The following LYSMD2 variants were observed in gnomAD, a reference collection of about 807,000 sequenced individuals.
LYSMD2 encodes LysM domain containing 2.
Under a neutral mutation model 17.7 loss-of-function variants are expected in LYSMD2, and 6 were observed. The observed-to-expected ratio is 0.34, with a 90% CI of 0.19 to 0.67. LYSMD2 has a LOEUF of 0.67. Ranked by LOEUF, LYSMD2 falls within the 30% of genes least tolerant of loss-of-function variation. The pLI is 0.69. For missense variants in LYSMD2, 237 were observed against 286.7 expected (o/e 0.83, Z 1.25); for synonymous variants, 102 against 129.8 (o/e 0.79, Z 1.45).
At chr15:51,739,785 G>A (rs184558091), upstream of LYSMD2, among the ~76,000 whole-genome samples, 35 of 152,098 alleles carry the variant, frequency 2.3e-4, no homozygotes, top group African/African-American at 7.2e-4. Context: ...AAACTTAATC[G>A]AGCATGTGGC....
At chr15:51,744,261 T>C (rs551988502) in intron 1 of LYSMD2, among the ~76,000 whole-genome samples, 1 of 152,278 alleles carries the variant, frequency 6.6e-6, no homozygotes, top group East Asian at 1.9e-4. Context: ...TTAAATATAA[T>C]GTTGACTGTA....
At chr15:51,737,729 C>T (rs1043756050), upstream of LYSMD2, 12 of 873,440 alleles carry the variant, frequency 1.4e-5, no homozygotes, top group Non-Finnish European at 1.8e-5. The surrounding 1 kb of genome is among the most constrained non-coding windows in gnomAD (Gnocchi z 4.2). Flanking sequence ...TGCAGCAGGC[C>T]GTTCCGCGGG....
chr15:51,747,289 T>C (rs1300794564), intron 1 of LYSMD2, among the ~76,000 whole-genome samples: 1 of 151,652 alleles, frequency 6.6e-6, no homozygotes, highest in Non-Finnish European at 1.5e-5. Flanking sequence ...GTCAGGAGTT[T>C]GAGACTAGCC....
intron 1 of LYSMD2, among the ~76,000 whole-genome samples, chr15:51,727,605 T>C (rs549152151): frequency 6.6e-6 from 1 of 152,172 alleles, no homozygotes; most frequent in Non-Finnish European, 1.5e-5. Context: ...CAGAGCACAA[T>C]GGGCCATCAA....
chr15:51,725,618 G>C (rs996999033), intron 1 of LYSMD2, among the ~76,000 whole-genome samples: 1 of 151,908 alleles, frequency 6.6e-6, no homozygotes, highest in Non-Finnish European at 1.5e-5. Flanking sequence ...TGTAAAACAG[G>C]TACCATCTAC....
chr15:51,751,019 A>C (rs2055697172), intron 1 of LYSMD2, among the ~76,000 whole-genome samples: 1 of 152,224 alleles, frequency 6.6e-6, no homozygotes, highest in Admixed American at 6.5e-5. Flanking sequence ...CTTAATCCTC[A>C]CAACACTTTT....
intron 1 of LYSMD2, among the ~76,000 whole-genome samples, chr15:51,746,820 T>G (rs1384713578): frequency 6.6e-6 from 1 of 151,758 alleles, no homozygotes; most frequent in East Asian, 1.9e-4. Flanking sequence ...AGTTTATCGC[T>G]CCAAAAAGTA....
At chr15:51,725,704 A>C (rs983777578) in intron 1 of LYSMD2, among the ~76,000 whole-genome samples, 1 of 152,122 alleles carries the variant, frequency 6.6e-6, no homozygotes, top group Admixed American at 6.6e-5. Flanking sequence ...TATATATGAG[A>C]GAATATATAA....
At chr15:51,743,661 T>A (rs1278679310) in intron 1 of LYSMD2, among the ~76,000 whole-genome samples, 1 of 152,256 alleles carries the variant, frequency 6.6e-6, no homozygotes, top group South Asian at 2.1e-4. Flanking sequence ...ACAAAGTAAC[T>A]TGTGATTTTG....
At chr15:51,735,687 A>G (rs543329915) in intron 1 of LYSMD2, among the ~76,000 whole-genome samples, 1 of 152,386 alleles carries the variant, frequency 6.6e-6, no homozygotes, top group Non-Finnish European at 1.5e-5. Flanking sequence ...AATAGGATCT[A>G]TATTAGACAT....
upstream of LYSMD2, among the ~76,000 whole-genome samples, chr15:51,741,772 T>G (rs139207589): frequency 1.7e-3 from 257 of 151,970 alleles, 10 homozygotes; most frequent in East Asian, 0.017. Flanking sequence ...CTACAAAAAT[T>G]AGCCTGGTGT....
chr15:51,725,147 A>T, intron 1 of LYSMD2, 26 bp from the exon 2 acceptor site: 1 of 1,428,502 alleles, frequency 7.0e-7, no homozygotes, highest in Non-Finnish European at 9.6e-7. Flanking sequence ...GGAGACACAG[A>T]ATTACATATA....
Position 51,737,160 on chromosome 15 carries a change from G to A in LYSMD2, c.273+190C>T, listed in dbSNP as rs1367583446. ...TGCAGGACCAGCTTTGGCGACCACTGCGGTGGCCAGCAGCGCGCGCTGAGC... is the reference window on the plus strand; with the variant it reads ...TGCAGGACCAGCTTTGGCGACCACTACGGTGGCCAGCAGCGCGCGCTGAGC... On this transcript the variant is annotated intron_variant, in intron 1 of 2. Transcript: ENST00000267838. This position sits in a 1 kb window ranked among gnomAD's most constrained non-coding sequence, Gnocchi z 4.2. Among the ~76,000 whole-genome samples, 3 of 152,194 alleles carry A rather than the reference G, an allele frequency of 2.0e-5. No homozygotes were observed. The highest frequency in any genetic ancestry group is 2.0e-4 in the Admixed American group (3 of 15,294).
chr15:51,737,530 G>A lies in LYSMD2; in HGVS notation c.93C>T (p.Ser31=), dbSNP rs1383071593. ...SAPSPPPRSR[S]GSESEEAELS... Reference sequence around the variant, plus strand: ...GCTCGGCCTCCTCGGACTCGGAGCCGGAGCGCGAGCGCGGCGGCGGCGAGG... The same window carrying A: ...GCTCGGCCTCCTCGGACTCGGAGCCAGAGCGCGAGCGCGGCGGCGGCGAGG... Residue 31 remains serine, a synonymous_variant, in exon 1 of 3, where the codon TCC becomes TCT. Transcript: ENST00000267838. This position sits in a 1 kb window ranked among gnomAD's most constrained non-coding sequence, Gnocchi z 4.2. 4 of 1,240,898 alleles carry A rather than the reference G, an allele frequency of 3.2e-6. No individual in the cohort carries two copies. Among genetic ancestry groups the A allele is most frequent in the African/African-American group, 1.6e-5 (1 of 63,748 alleles). 76.9% of individuals were successfully genotyped at this position (1,240,898 alleles called of 1,614,324 possible).
upstream of LYSMD2, among the ~76,000 whole-genome samples, chr15:51,738,501 AT>A (rs1442051661): frequency 6.6e-6 from 1 of 152,078 alleles, no homozygotes; most frequent in Non-Finnish European, 1.5e-5. Context: ...ATTGCTATTA[AT>A]ATTATAACCA....
chr15:51,738,905 C>T (rs1370401630), upstream of LYSMD2, among the ~76,000 whole-genome samples: 1 of 152,158 alleles, frequency 6.6e-6, no homozygotes, highest in Non-Finnish European at 1.5e-5. Context: ...ATGGTCTGAC[C>T]ATACCCCATC....
At chr15:51,744,203 C>A (rs189084482) in intron 1 of LYSMD2, among the ~76,000 whole-genome samples, 9 of 152,166 alleles carry the variant, frequency 5.9e-5, no homozygotes, top group South Asian at 4.2e-4. Context: ...CAGGGGATAC[C>A]CTTACCTTGT....
chr15:51,741,290 AAC>A (rs1200122903), upstream of LYSMD2, among the ~76,000 whole-genome samples: 21 of 152,238 alleles, frequency 1.4e-4, no homozygotes, highest in African/African-American at 5.1e-4. Context: ...ATGTTGCTGG[AAC>A]AGTTAGTTTT....
rs969039687 is a variant in LYSMD2, at chr15:51,737,566, C to G, written c.57G>C (p.Arg19=). 3.2e-5 allele frequency: 39 copies of G among 1,220,538 alleles called. No homozygotes were observed. The highest frequency in any genetic ancestry group is 4.0e-5 in the Non-Finnish European group (39 of 982,712). 75.6% of individuals were successfully genotyped at this position (1,220,538 alleles called of 1,614,324 possible). Residue 19 remains arginine (R), a synonymous_variant, in exon 1 of 3, where the codon CGG becomes CGC. Transcript: ENST00000267838. The surrounding 1 kb of genome is among the most constrained non-coding windows in gnomAD (Gnocchi z 4.2). ...SLREGGPRAP[R]PSAPSPPPRS... is the part of the protein sequence containing the mutation. ...GCGGCGGCGGCGAGGGGGCCGAGGG[C>G]CGCGGCGCGCGGGGGCCGCCTTCCC...
Sources: allele counts gnomAD v4.1 joint callset (sites outside exome capture counted in the v4.1 genomes callset), GRCh38; gene constraint gnomAD v4.1.1; non-coding constraint Gnocchi (gnomAD v3.1); transcripts MANE v1.5; gene names NCBI Gene and HGNC (gene_info 2026-07-23, HGNC 2026-07-21).